Variants in GTF2F2 observed in about 807,000 individuals in gnomAD.
GTF2F2 encodes general transcription factor IIF subunit 2.
GTF2F2 carries 23 observed loss-of-function variants against 42.2 expected under a neutral mutation model. That is an observed-to-expected ratio of 0.55 (90% CI 0.39 to 0.77). The LOEUF (loss-of-function observed/expected upper bound fraction) is 0.77. Among genes scored for constraint, GTF2F2 ranks in the 30% least tolerant of loss-of-function variants. The probability of loss-of-function intolerance (pLI) is 0.00; values close to 1 mark genes in which losing one functional copy is unlikely to be tolerated. For synonymous variants in GTF2F2, 105 were observed against 100.8 expected (o/e 1.04, Z -0.25); for missense variants, 261 against 287.2 (o/e 0.91, Z 0.66).
chr13:45,213,830 T>C (rs1343451467), intron 5 of GTF2F2, among the ~76,000 whole-genome samples: 1 of 152,234 alleles, frequency 6.6e-6, no homozygotes, highest in African/African-American at 2.4e-5. Flanking sequence ...TTTTCAGTTT[T>C]GTATATATGC....
chr13:45,210,388 A>C (rs1480882184), intron 5 of GTF2F2, among the ~76,000 whole-genome samples: 1 of 152,082 alleles, frequency 6.6e-6, no homozygotes, highest in African/African-American at 2.4e-5. Flanking sequence ...TCTCCAGATA[A>C]ATGCATGGCT....
chr13:45,274,879 C>A (rs1279510699), intron 7 of GTF2F2, among the ~76,000 whole-genome samples: 1 of 151,834 alleles, frequency 6.6e-6, no homozygotes, highest in Non-Finnish European at 1.5e-5. Flanking sequence ...GCCACTGTAC[C>A]CCAGCCTGAA....
At chr13:45,222,375 T>G (rs1023733698) in intron 5 of GTF2F2, among the ~76,000 whole-genome samples, 2 of 152,174 alleles carry the variant, frequency 1.3e-5, no homozygotes, top group African/African-American at 4.8e-5. Context: ...GGCCCTTCCC[T>G]TGTTAAGTTT....
intron 2 of GTF2F2, 45 bp from the exon 3 acceptor site, chr13:45,149,725 C>A (rs1870387806): frequency 1.4e-6 from 2 of 1,458,848 alleles, no homozygotes; most frequent in African/African-American, 2.9e-5. Flanking sequence ...TTGAAAACAA[C>A]ATGAAATCTA....
chr13:45,200,098 T>G (rs994919964), intron 4 of GTF2F2, among the ~76,000 whole-genome samples: 1 of 152,100 alleles, frequency 6.6e-6, no homozygotes, highest in Non-Finnish European at 1.5e-5. Context: ...TATTTTGTCT[T>G]GGTGGCACGT....
chr13:45,272,424 T>TA (rs11393681), intron 7 of GTF2F2, among the ~76,000 whole-genome samples: 27,531 of 99,174 alleles, frequency 0.28, 3,231 homozygotes, highest in Non-Finnish European at 0.3. Flanking sequence ...TTTGGCTCTT[T>TA]AAAAAAAAAA....
chr13:45,141,458 T>C (rs950781764), intron 2 of GTF2F2, among the ~76,000 whole-genome samples: 14 of 152,148 alleles, frequency 9.2e-5, no homozygotes, highest in African/African-American at 3.4e-4. Flanking sequence ...CCCTATGCAA[T>C]TATTAATAGT....
At chr13:45,234,286 T>G (rs1044755249) in intron 5 of GTF2F2, among the ~76,000 whole-genome samples, 7 of 152,218 alleles carry the variant, frequency 4.6e-5, no homozygotes, top group Admixed American at 2.6e-4. Flanking sequence ...ATTTTGTAGT[T>G]TTTATAGGAT....
At chr13:45,249,760 A>G (rs1260018816) in intron 5 of GTF2F2, among the ~76,000 whole-genome samples, 2 of 152,174 alleles carry the variant, frequency 1.3e-5, no homozygotes, top group African/African-American at 4.8e-5. Flanking sequence ...TAGCGGCAAC[A>G]TAACAGATTA....
intron 2 of GTF2F2, 135 bp downstream of exon 2, chr13:45,136,941 A>G (rs1869658304): frequency 1.6e-6 from 1 of 623,528 alleles, no homozygotes; most frequent in Admixed American, 2.7e-5. Flanking sequence ...AAGGCTTGTC[A>G]GGAGATGGTT....
At chr13:45,242,253 CTTCT>C (rs2138234673) in intron 5 of GTF2F2, among the ~76,000 whole-genome samples, 1 of 142,348 alleles carries the variant, frequency 7.0e-6, no homozygotes, top group South Asian at 2.2e-4. Flanking sequence ...TCTGCTGGCA[CTTCT>C]TTTTTTTTTT....
At chr13:45,212,460 T>TTTTCTTTTCTTTCTTTCC (rs1283751456) in intron 5 of GTF2F2, among the ~76,000 whole-genome samples, 1 of 23,114 alleles carries the variant, frequency 4.3e-5, no homozygotes, top group Non-Finnish European at 9.6e-5. Context: ...TCTTTCTTTC[T>TTTTCTTTTCTTTCTTTCC]TTCTTTCTTT....
chr13:45,265,069 G>T (rs527880812), intron 6 of GTF2F2, among the ~76,000 whole-genome samples: 63 of 152,150 alleles, frequency 4.1e-4, no homozygotes, highest in African/African-American at 1.4e-3. Flanking sequence ...GACCAGCCTG[G>T]CCAACATAGT....
intron 4 of GTF2F2, among the ~76,000 whole-genome samples, chr13:45,165,624 C>T (rs1871257948): frequency 6.8e-6 from 1 of 147,564 alleles, no homozygotes; most frequent in Non-Finnish European, 1.5e-5. Flanking sequence ...AAAACATATG[C>T]AAAAGTAGAG....
chr13:45,126,741 C>T (rs1206956475), intron 1 of GTF2F2, among the ~76,000 whole-genome samples: 1 of 152,116 alleles, frequency 6.6e-6, no homozygotes, highest in Non-Finnish European at 1.5e-5. Flanking sequence ...TTGGTCTTAA[C>T]GAAAACAATT....
intron 1 of GTF2F2, among the ~76,000 whole-genome samples, chr13:45,127,617 T>A (rs928838736): frequency 2.6e-5 from 4 of 151,902 alleles, no homozygotes; most frequent in Non-Finnish European, 5.9e-5. Flanking sequence ...GATTATGGCA[T>A]GAGCCACCAC....
intron 4 of GTF2F2, among the ~76,000 whole-genome samples, chr13:45,157,433 G>A (rs1405449268): frequency 6.6e-6 from 1 of 152,202 alleles, no homozygotes; most frequent in African/African-American, 2.4e-5. Context: ...TGATTTACAT[G>A]TTAAAGACCT....
chr13:45,168,316 G>A (rs953821680), intron 4 of GTF2F2, among the ~76,000 whole-genome samples: 2 of 152,210 alleles, frequency 1.3e-5, no homozygotes, highest in African/African-American at 4.8e-5. Context: ...TTGTCTGCCT[G>A]AGAGCTTCTC....
chr13:45,160,417 C>G (rs992617005), intron 4 of GTF2F2, among the ~76,000 whole-genome samples: 4 of 152,144 alleles, frequency 2.6e-5, no homozygotes, highest in Admixed American at 1.3e-4. Flanking sequence ...AGGTCACTTG[C>G]AGTATAGAAT....
Sources: allele counts gnomAD v4.1 joint callset (sites outside exome capture counted in the v4.1 genomes callset), GRCh38; gene constraint gnomAD v4.1.1; transcripts MANE v1.5; gene names NCBI Gene and HGNC (gene_info 2026-07-23, HGNC 2026-07-21).